POU2AF3: variants seen among roughly 807,000 people sequenced by gnomAD.
POU2AF3 encodes POU class 2 homeobox associating factor 3, also known as cancer susceptibility candidate 13.
chr11:111,306,445 G>A, the POU2AF3 span: 60 of 1,491,514 alleles, frequency 4.0e-5, no homozygotes, highest in Admixed American at 2.4e-5. Flanking sequence ...TATTTGCAAC[G>A]GGGAGAATTT....
the POU2AF3 span, among the ~76,000 whole-genome samples, chr11:111,305,930 G>A: frequency 6.6e-6 from 1 of 152,166 alleles, no homozygotes; most frequent in South Asian, 2.1e-4. Context: ...AAGTTACTGA[G>A]TAAGAGTGAA....
At chr11:111,298,826 G>GCGGGGGCCC in the POU2AF3 span, 12 of 790,960 alleles carry the variant, frequency 1.5e-5, no homozygotes, top group Non-Finnish European at 2.0e-5. Flanking sequence ...CGTACCCCAG[G>GCGGGGGCCC]CCCCCGCCCG....
At chr11:111,299,869 T>C in the POU2AF3 span, 6,547 of 571,870 alleles carry the variant, frequency 0.011, 55 homozygotes, top group South Asian at 0.033. Flanking sequence ...AGGGAGTTCC[T>C]CGGGCCTGGC....
chr11:111,308,046 T>G, the POU2AF3 span: 7 of 1,472,878 alleles, frequency 4.8e-6, no homozygotes, highest in Non-Finnish European at 6.3e-6. Flanking sequence ...AAGCTCTTTG[T>G]TTCTTGGTTG....
chr11:111,300,395 G>C, the POU2AF3 span: 1 of 377,964 alleles, frequency 2.6e-6, no homozygotes, highest in Non-Finnish European at 4.7e-6. Context: ...ACCATCCTTT[G>C]ACATTTTTTG....
the POU2AF3 span, among the ~76,000 whole-genome samples, chr11:111,305,312 T>C: frequency 7.2e-5 from 11 of 152,226 alleles, no homozygotes. Context: ...TTTAGTGCAC[T>C]GTTAGATGGA....
the POU2AF3 span, among the ~76,000 whole-genome samples, chr11:111,305,227 T>C: frequency 6.6e-6 from 1 of 152,244 alleles, no homozygotes; most frequent in South Asian, 2.1e-4. Flanking sequence ...GTTCTTCACA[T>C]TTATTCCAGT....
the POU2AF3 span, among the ~76,000 whole-genome samples, chr11:111,301,655 C>A: frequency 6.6e-6 from 1 of 152,164 alleles, no homozygotes; most frequent in South Asian, 2.1e-4. Flanking sequence ...TGGTGTGTAT[C>A]CTCAAGCAAA....
chr11:111,299,314 C>T, the POU2AF3 span: 1 of 987,584 alleles, frequency 1.0e-6, no homozygotes, highest in Non-Finnish European at 1.2e-6. Context: ...AGCGCACTTC[C>T]CGGCGCGATT....
chr11:111,304,621 A>T, the POU2AF3 span, among the ~76,000 whole-genome samples: 1 of 152,204 alleles, frequency 6.6e-6, no homozygotes, highest in Non-Finnish European at 1.5e-5. Flanking sequence ...TCTTAAAAGG[A>T]TTATAAACGT....
the POU2AF3 span, among the ~76,000 whole-genome samples, chr11:111,304,496 C>G: frequency 1.3e-5 from 2 of 152,048 alleles, no homozygotes; most frequent in Admixed American, 1.3e-4. Context: ...ACTCCCCAAG[C>G]AAGCAAACAT....
the POU2AF3 span, among the ~76,000 whole-genome samples, chr11:111,305,378 C>G: frequency 6.6e-6 from 1 of 152,170 alleles, no homozygotes; most frequent in Non-Finnish European, 1.5e-5. Flanking sequence ...CTTTAGTTTC[C>G]AGCCGACAGG....
chr11:111,305,032 C>T, the POU2AF3 span: 3 of 1,137,486 alleles, frequency 2.6e-6, no homozygotes, highest in Non-Finnish European at 3.3e-6. Context: ...TTCAAAAGTC[C>T]ATCTCAAAAG....
the POU2AF3 span, chr11:111,304,783 A>AG: frequency 2.3e-6 from 1 of 435,596 alleles, no homozygotes; most frequent in South Asian, 1.3e-4. Context: ...ACATTGAAAA[A>AG]AAAAAAGAAA....
the POU2AF3 span, among the ~76,000 whole-genome samples, chr11:111,305,907 C>G: frequency 1.1e-4 from 16 of 152,220 alleles, no homozygotes; most frequent in Non-Finnish European, 5.9e-5. Context: ...TCAAAATTCT[C>G]TCCTCCAAAC....
chr11:111,299,464 C>G, the POU2AF3 span: 8 of 1,080,626 alleles, frequency 7.4e-6, no homozygotes, highest in South Asian at 2.3e-4. Context: ...TTTCGGGGCC[C>G]GGGGCTGAGG....
chr11:111,308,137 G>A, the POU2AF3 span: 1 of 1,550,946 alleles, frequency 6.4e-7, no homozygotes, highest in South Asian at 1.2e-5. Context: ...CGCCAGTGCA[G>A]CTGCCTTCAT....
chr11:111,305,291 A>T, the POU2AF3 span, among the ~76,000 whole-genome samples: 4 of 152,242 alleles, frequency 2.6e-5, no homozygotes, highest in Non-Finnish European at 5.9e-5. Flanking sequence ...GTTCTCAGGA[A>T]CTTATCTTTT....
chr11:111,298,826 G>GGGGGGGGCCCCC, the POU2AF3 span: 3 of 790,960 alleles, frequency 3.8e-6, no homozygotes, highest in Non-Finnish European at 5.1e-6. Flanking sequence ...CGTACCCCAG[G>GGGGGGGGCCCCC]CCCCCGCCCG....
Sources: gnomAD v4.1 joint callset for allele counts (sites outside exome capture counted in the v4.1 genomes callset) on GRCh38, gnomAD v4.1.1 for gene constraint, MANE v1.5 for transcripts, NCBI Gene and HGNC (gene_info 2026-07-23, HGNC 2026-07-21) for gene names.